ADAP1: variants seen among roughly 807,000 people sequenced by gnomAD.
ADAP1 encodes the protein arf-GAP with dual PH domain-containing protein 1.
Under a neutral mutation model 54.9 loss-of-function variants are expected in ADAP1, and 31 were observed. That is an observed-to-expected ratio of 0.56 (90% CI 0.42 to 0.76). ADAP1 has a LOEUF of 0.76. Among genes scored for constraint, ADAP1 ranks in the 30% least tolerant of loss-of-function variants. The pLI is 0.00. For synonymous variants in ADAP1, 313 were observed against 202.6 expected (o/e 1.55, Z -4.63); for missense variants, 535 against 512.4 (o/e 1.04, Z -0.42).
chr7:935,763 C>T (rs1846740993), intron 1 of ADAP1, among the ~76,000 whole-genome samples: 1 of 152,134 alleles, frequency 6.6e-6, no homozygotes, highest in Non-Finnish European at 1.5e-5. Flanking sequence ...TGCTCTGCCC[C>T]GCGGGTGCCG....
Position 898,587 on chromosome 7 carries a change from G to A in ADAP1, c.*334C>T, listed in dbSNP as rs1359163260. The A allele has an allele frequency of 4.7e-5, 20 of 422,622 alleles. No homozygotes were observed. The highest frequency in any genetic ancestry group is 2.6e-4 in the African/African-American group (13 of 49,406). The allele number at this position is 422,622 out of a possible 1,614,324, so 26.2% of individuals were successfully genotyped here. Reference sequence around the variant, plus strand: ...CTGAGGCCTGGAAGTTCCCACAGCCGTGGTGGGCGGCTCCTGGGGGCTGTG... The same window carrying A: ...CTGAGGCCTGGAAGTTCCCACAGCCATGGTGGGCGGCTCCTGGGGGCTGTG... On this transcript the variant is annotated 3_prime_UTR_variant, in exon 11 of 11. Transcript: ENST00000265846.
At chr7:905,919 A>AAGGGAGAAGGGAG in intron 4 of ADAP1, among the ~76,000 whole-genome samples, 2 of 2,390 alleles carry the variant, frequency 8.4e-4, no homozygotes, top group Non-Finnish European at 4.6e-3. Context: ...GGGAAAGGAG[A>AAGGGAGAAGGGAG]AAGGGAGAAA....
intron 2 of ADAP1, among the ~76,000 whole-genome samples, chr7:928,325 C>G (rs545120480): frequency 3.3e-5 from 5 of 152,146 alleles, no homozygotes; most frequent in Non-Finnish European, 7.3e-5. Context: ...GGTTACACCA[C>G]TGCACTCCAG....
At position 898,085 on chromosome 7, in the gene ADAP1, T is replaced by G. The variant is rs537719505; in HGVS notation, c.*836A>C. On this transcript the variant is annotated 3_prime_UTR_variant, in exon 11 of 11. Transcript: ENST00000265846. ...CCTGCAGACGCCTCCCCCACCTACA[T>G]GCCCCACGCAAGGGGAGCCCTGGAG... 4 of 152,392 alleles carry G rather than the reference T, an allele frequency of 2.6e-5. No homozygotes were observed. The highest frequency in any genetic ancestry group is 5.9e-5 in the Non-Finnish European group (4 of 68,122). The allele number at this position is 152,392 out of a possible 1,614,324, so 9.4% of individuals were successfully genotyped here.
intron 2 of ADAP1, chr7:927,326 G>T: frequency 1.9e-6 from 2 of 1,048,814 alleles, no homozygotes; most frequent in South Asian, 3.0e-5. Flanking sequence ...AGGCCCTGAG[G>T]GTGGACGCTG....
rs1846371526 is a variant in ADAP1 at position 925,977 on chromosome 7, CCT to C, written c.305+574_305+575del. Among the ~76,000 whole-genome samples the C allele has an allele frequency of 7.9e-5, 12 of 152,304 alleles. No homozygotes were observed. The South Asian group carries it at 2.3e-3, about 29-fold the overall frequency. On this transcript the variant is annotated intron_variant, in intron 3 of 10. Coordinates refer to ENST00000265846, the MANE Select transcript of ADAP1 (RefSeq NM_006869.4). Reference sequence around the variant, plus strand: ...GTCGGTGCGAACAGTCAGGCTGGGCCCTGTGTGGTTGTCACCTCTCATTCCCA... The same window carrying C: ...GTCGGTGCGAACAGTCAGGCTGGGCCGTGTGGTTGTCACCTCTCATTCCCA...
intron 3 of ADAP1, among the ~76,000 whole-genome samples, chr7:925,296 G>T (rs540644914): frequency 1.4e-5 from 2 of 140,112 alleles, no homozygotes; most frequent in East Asian, 4.0e-4. Context: ...TGAGGCAGGA[G>T]GATCGCTTGA....
intron 8 of ADAP1, 97 bp downstream of exon 8, chr7:900,005 A>C (rs1027274566): frequency 1.4e-6 from 2 of 1,463,166 alleles, no homozygotes; most frequent in Non-Finnish European, 1.9e-6. Context: ...CACCAGTTTA[A>C]AACACAGGCG....
Position 905,076 on chromosome 7 carries a change from T to C in ADAP1, c.485A>G (p.Tyr162Cys). ...GTGACTCACATCATTTCTGTTGAAA[T>C]ACTTCAGAGCACCCTCTCGTTCTGT... ...VLTEREGALK[Y>C]FNRNDAKEPK... The change falls in exon 5 of 11, where the codon TAT becomes TGT. Residue 162 changes from tyrosine to cysteine, a missense_variant. Physicochemically the swap from Tyr to Cys is radical, Grantham distance 194. Coordinates refer to ENST00000265846, the MANE Select transcript of ADAP1 (RefSeq NM_006869.4). The C allele has an allele frequency of 6.2e-7, 1 of 1,611,614 alleles. No homozygotes were observed. The highest frequency in any genetic ancestry group is 8.5e-7 in the Non-Finnish European group (1 of 1,179,872).
rs370538517 is a variant in ADAP1 at position 904,206 on chromosome 7, C to A, written c.568G>T (p.Gly190Cys). 2 of 1,611,162 alleles carry A rather than the reference C, an allele frequency of 1.2e-6. No individual in the cohort carries two copies. Among genetic ancestry groups the A allele is most frequent in the South Asian group, 1.1e-5 (1 of 90,976 alleles). ...GTGACCTGCAGGCCGTGGGGGTGGCCGATCTTGGCCGGCTGGAAGGTGGCG... is the reference window on the plus strand; with the variant it reads ...GTGACCTGCAGGCCGTGGGGGTGGCAGATCTTGGCCGGCTGGAAGGTGGCG... Reference protein sequence around the residue: ...LNATFQPAKIGHPHGLQVTYL... With the variant: ...LNATFQPAKICHPHGLQVTYL... The change falls in exon 6 of 11, where the codon GGC (glycine) becomes TGC (cysteine). Residue 190 changes from glycine (G) to cysteine (C), a missense_variant. By Grantham distance (159) the Gly-to-Cys change is radical. Transcript: ENST00000265846.
At position 920,730 on chromosome 7, in the gene ADAP1, A is replaced by C; in HGVS notation, c.306-680T>G. Reference sequence around the variant, plus strand: ...GCCCCCCACGGCACCCACTGAGCCCAGACATCCCTGCCCAGAGCCACCCAC... The same window carrying C: ...GCCCCCCACGGCACCCACTGAGCCCCGACATCCCTGCCCAGAGCCACCCAC... On this transcript the variant is annotated intron_variant, in intron 3 of 10. Coordinates refer to ENST00000265846, the MANE Select transcript of ADAP1 (RefSeq NM_006869.4). The surrounding 1 kb of genome is among the most constrained non-coding windows in gnomAD (Gnocchi z 4.5). The C allele has an allele frequency of 6.8e-7, 1 of 1,481,306 alleles. No homozygotes were observed. Among genetic ancestry groups the C allele is most frequent in the Non-Finnish European group, 9.1e-7 (1 of 1,093,012 alleles). 91.8% of individuals were successfully genotyped at this position (1,481,306 alleles called of 1,614,324 possible). A position where few individuals can be genotyped will look rare whatever the true frequency, so the allele number is the denominator to read the frequency against.
At chr7:900,832 G>A (rs926179547) in intron 6 of ADAP1, 4 of 646,130 alleles carry the variant, frequency 6.2e-6, no homozygotes, top group East Asian at 3.0e-5. Context: ...CTCTGCGGGA[G>A]GGCAGGTGCA....
At chr7:947,183 G>T (rs1160729652) in intron 1 of ADAP1, among the ~76,000 whole-genome samples, 4 of 149,188 alleles carry the variant, frequency 2.7e-5, no homozygotes, top group Admixed American at 2.7e-4. Context: ...GGGACCACAG[G>T]TGTGCACCAC....
At chr7:940,296 C>G (rs563113925) in intron 1 of ADAP1, among the ~76,000 whole-genome samples, 1 of 150,660 alleles carries the variant, frequency 6.6e-6, no homozygotes, top group South Asian at 2.1e-4. Context: ...CGAGATGGCA[C>G]GACTACACTC....
chr7:912,447 G>A (rs1021720391), intron 4 of ADAP1, among the ~76,000 whole-genome samples: 14 of 152,186 alleles, frequency 9.2e-5, no homozygotes, highest in Admixed American at 9.2e-4. Flanking sequence ...GGAGGGGTGC[G>A]GCGCGTCCCC....
chr7:944,444 G>A (rs937238328), intron 1 of ADAP1, among the ~76,000 whole-genome samples: 17 of 151,310 alleles, frequency 1.1e-4, no homozygotes, highest in African/African-American at 3.6e-4. Context: ...TAATAGAGAC[G>A]GGGTTCACCA....
chr7:930,581 G>A (rs1307090356), intron 2 of ADAP1, among the ~76,000 whole-genome samples: 1 of 151,634 alleles, frequency 6.6e-6, no homozygotes, highest in East Asian at 2.0e-4. Flanking sequence ...AACTTTGGGA[G>A]GCCGAGGGGG....
At position 946,396 on chromosome 7, in the gene ADAP1, A is replaced by T. The variant is rs966798265; in HGVS notation, c.82+8000T>A. ...GCCCTGGTCCCATTCCATTGTGAGG[A>T]TGGGGCCCTTTGGCCCTAGGAACAG... On this transcript the variant is annotated intron_variant, in intron 1 of 10. Transcript: ENST00000265846. This position sits in a 1 kb window ranked among gnomAD's most constrained non-coding sequence, Gnocchi z 4.3. Among the ~76,000 whole-genome samples, 8 of 151,948 alleles carry T rather than the reference A, an allele frequency of 5.3e-5. No individual in the cohort carries two copies. The highest frequency in any genetic ancestry group is 3.3e-4 in the Admixed American group (5 of 15,288).
At chr7:914,442 G>A (rs1845848542) in intron 4 of ADAP1, among the ~76,000 whole-genome samples, 1 of 152,242 alleles carries the variant, frequency 6.6e-6, no homozygotes, top group African/African-American at 2.4e-5. Context: ...GGGGTTGGGA[G>A]GCCCGGGAAC....
Sources: allele counts gnomAD v4.1 joint callset (sites outside exome capture counted in the v4.1 genomes callset), GRCh38; gene constraint gnomAD v4.1.1; non-coding constraint Gnocchi (gnomAD v3.1); transcripts MANE v1.5; gene names NCBI Gene and HGNC (gene_info 2026-07-23, HGNC 2026-07-21).